The following WDR64 variants were observed in gnomAD, a reference collection of about 807,000 sequenced individuals.
The protein encoded by WDR64 is WD repeat-containing protein 64.
In WDR64, 112 loss-of-function variants were observed where a neutral mutation model predicts 139.3. The ratio of observed to expected loss-of-function variants is 0.80; its 90% CI spans 0.69 to 0.94. The LOEUF (loss-of-function observed/expected upper bound fraction) is 0.94. WDR64 is among the 40% of genes least tolerant of loss of function. The pLI is 0.00. For missense variants in WDR64, 1,206 were observed against 1,293.1 expected, an observed-to-expected ratio of 0.93 and a Z score of 1.03; for synonymous variants, 444 against 437.7, an observed-to-expected ratio of 1.01 and a Z score of -0.18.
In WDR64 at chr1:241,674,700, C is replaced by T; in HGVS notation, c.436C>T (p.Leu146=). Residue 146 remains leucine, a synonymous_variant, in exon 4 of 28, where the codon CTA becomes TTA. Transcript: ENST00000437684. ...SIVKIPHLDL[L]ITATQKGLIT... ...TGTCAAGATACCTCACCTGGATTTA[C>T]TAATAACAGCTACTCAGAAAGGATT... The T allele has an allele frequency of 6.5e-7, 1 of 1,550,054 alleles. No homozygotes were observed.
intron 9 of WDR64, 110 bp from the exon 10 acceptor site, chr1:241,723,187 G>T: frequency 7.2e-7 from 1 of 1,379,604 alleles, no homozygotes; most frequent in South Asian, 1.4e-5. Flanking sequence ...GCCAGAAACG[G>T]ACTGTGATTT....
intron 9 of WDR64, among the ~76,000 whole-genome samples, chr1:241,716,487 C>T (rs1347709456): frequency 2.0e-5 from 3 of 152,020 alleles, no homozygotes; most frequent in Admixed American, 2.0e-4. Flanking sequence ...GCTCTGCATG[C>T]ATTTTTTTCA....
At chr1:241,661,783 G>A (rs1665842516) in intron 2 of WDR64, among the ~76,000 whole-genome samples, 1 of 152,200 alleles carries the variant, frequency 6.6e-6, no homozygotes, top group Non-Finnish European at 1.5e-5. Flanking sequence ...AAAATAATAT[G>A]CTAATGTCAA....
intron 8 of WDR64, among the ~76,000 whole-genome samples, chr1:241,697,666 A>C (rs1300136540): frequency 6.6e-6 from 1 of 152,162 alleles, no homozygotes; most frequent in Non-Finnish European, 1.5e-5. Context: ...TTTTCCTCCT[A>C]ACAATCACAC....
chr1:241,754,108 A>G (rs1670080015), intron 14 of WDR64, among the ~76,000 whole-genome samples: 2 of 152,130 alleles, frequency 1.3e-5, no homozygotes, highest in Non-Finnish European at 2.9e-5. Flanking sequence ...GGAAATCCAG[A>G]TGGCTCGCAG....
chr1:241,666,913 T>C (rs1195913538), intron 2 of WDR64, among the ~76,000 whole-genome samples: 1 of 152,200 alleles, frequency 6.6e-6, no homozygotes, highest in African/African-American at 2.4e-5. Context: ...GTCATGTGAC[T>C]AGTAGACAGT....
intron 8 of WDR64, 122 bp from the exon 9 acceptor site, chr1:241,711,680 T>C: frequency 1.1e-6 from 1 of 906,586 alleles, no homozygotes; most frequent in South Asian, 1.6e-5. Context: ...TAATACGGCC[T>C]GGGGGCAAAT....
intron 10 of WDR64, among the ~76,000 whole-genome samples, chr1:241,724,288 T>G (rs78764857): frequency 6.6e-6 from 1 of 152,180 alleles, no homozygotes; most frequent in Non-Finnish European, 1.5e-5. Context: ...GTAAAAATAC[T>G]GGTATATAGG....
chr1:241,769,942 T>C (rs1658362948), intron 17 of WDR64, among the ~76,000 whole-genome samples: 1 of 152,210 alleles, frequency 6.6e-6, no homozygotes, highest in Non-Finnish European at 1.5e-5. Flanking sequence ...TTGTCATCCA[T>C]TTCTGAAAGA....
chr1:241,683,695 TTAAAAGG>T lies in WDR64; in HGVS notation c.837_839+4del. 6.5e-7 allele frequency: 1 copy of T among 1,547,898 alleles called. No homozygotes were observed. Among genetic ancestry groups the T allele is most frequent in the Non-Finnish European group, 8.7e-7 (1 of 1,144,716 alleles). ...AATCAGGTCTTAGACTCAAAGAACT[TTAAAAGG>T]TAAGAGTATCATACAGTTAATTTAA... On this transcript the variant is annotated splice_donor_variant and coding_sequence_variant, in exon 7 of 28. Coordinates refer to ENST00000437684, the MANE Select transcript of WDR64 (RefSeq NM_001367482.1). LOFTEE classifies it high-confidence loss of function.
chr1:241,786,112 A>AT (rs1659028143), intron 23 of WDR64, among the ~76,000 whole-genome samples: 1 of 152,196 alleles, frequency 6.6e-6, no homozygotes, highest in African/African-American at 2.4e-5. Flanking sequence ...AGGCCATGAC[A>AT]TTTTTATAAT....
intron 8 of WDR64, among the ~76,000 whole-genome samples, chr1:241,708,709 T>G (rs1459141318): frequency 9.4e-5 from 6 of 63,924 alleles, no homozygotes; most frequent in African/African-American, 4.2e-4. Context: ...TTTTTGTTTT[T>G]TTGTTTTTTT....
At chr1:241,708,227 T>G (rs971656745) in intron 8 of WDR64, among the ~76,000 whole-genome samples, 2 of 152,252 alleles carry the variant, frequency 1.3e-5, no homozygotes, top group South Asian at 2.1e-4. Context: ...TCTCATTATT[T>G]TATTGTTGTC....
At chr1:241,730,815 C>T in intron 10 of WDR64, among the ~76,000 whole-genome samples, 2 of 152,146 alleles carry the variant, frequency 1.3e-5, no homozygotes, top group East Asian at 3.9e-4. Context: ...TAAAGCATAG[C>T]TGCCCCAAAT....
At chr1:241,732,681 G>C (rs1398423658) in intron 10 of WDR64, among the ~76,000 whole-genome samples, 2 of 151,906 alleles carry the variant, frequency 1.3e-5, no homozygotes, top group Admixed American at 6.6e-5. Context: ...TTAGCCAGGC[G>C]TGGTGGCGGG....
intron 20 of WDR64, 139 bp from the exon 21 acceptor site, chr1:241,774,966 A>G (rs1658596697): frequency 1.5e-6 from 1 of 668,454 alleles, no homozygotes; most frequent in Admixed American, 2.9e-5. Flanking sequence ...TATTTTCATT[A>G]CAAACAGGGG....
At chr1:241,743,529 C>A (rs1199171718) in intron 12 of WDR64, among the ~76,000 whole-genome samples, 1 of 152,154 alleles carries the variant, frequency 6.6e-6, no homozygotes, top group Non-Finnish European at 1.5e-5. Flanking sequence ...AAGTGGCTTG[C>A]TTTCCATTTC....
chr1:241,733,568 A>G (rs1366086681), intron 10 of WDR64, among the ~76,000 whole-genome samples: 1 of 151,482 alleles, frequency 6.6e-6, no homozygotes, highest in Non-Finnish European at 1.5e-5. Context: ...TTCAGTTTAT[A>G]TGCATATAAT....
chr1:241,685,958 A>G lies in WDR64; in HGVS notation c.840-1503A>G, dbSNP rs145875571. 4.7e-4 allele frequency among the ~76,000 whole-genome samples: 72 copies of G among 152,312 alleles called. No individual in the cohort carries two copies. The East Asian group carries it at 0.012, about 25-fold the overall frequency. On this transcript the variant is annotated intron_variant, in intron 7 of 27. Coordinates refer to ENST00000437684, the MANE Select transcript of WDR64 (RefSeq NM_001367482.1). ...AGAAAATTCCATGGCTCATTTTTCA[A>G]TCCCAATCCCTGTTTTCATTAGATA...
Sources: gnomAD v4.1 joint callset for allele counts (sites outside exome capture counted in the v4.1 genomes callset) on GRCh38, gnomAD v4.1.1 for gene constraint, MANE v1.5 for transcripts, NCBI Gene and HGNC (gene_info 2026-07-23, HGNC 2026-07-21) for gene names.